The following DMD variants were observed in gnomAD, a reference collection of about 807,000 sequenced individuals.
DMD encodes mutant dystrophin.
Under a neutral mutation model 330.1 loss-of-function variants are expected in DMD, and 63 were observed. The observed-to-expected ratio is 0.19, with a 90% CI of 0.16 to 0.24. DMD has a LOEUF of 0.24. Ranked by LOEUF, DMD falls within the 10% of genes least tolerant of loss-of-function variation. DMD has a pLI of 1.00. For synonymous variants in DMD, 1,223 were observed against 959.8 expected (o/e 1.27, Z -5.07); for missense variants, 3,344 against 2,684.1 (o/e 1.25, Z -5.43).
intron 1 of DMD, among the ~76,000 whole-genome samples, chrX:33,056,985 A>G (rs1476969065): frequency 9.0e-6 from 1 of 111,620 alleles, no homozygotes; most frequent in Non-Finnish European, 1.9e-5. Flanking sequence ...CACGGGGCTC[A>G]TAAAAAATGT....
chrX:33,066,147 T>C (rs762266115), intron 1 of DMD, among the ~76,000 whole-genome samples: 1 of 109,100 alleles, frequency 9.2e-6, no homozygotes, highest in South Asian at 3.9e-4. Flanking sequence ...GGTGGAATAA[T>C]GTCTAGGAAA....
chrX:33,039,450 C>A (rs1386802976), intron 1 of DMD, among the ~76,000 whole-genome samples: 2 of 103,963 alleles, frequency 1.9e-5, no homozygotes, highest in Non-Finnish European at 3.9e-5. Flanking sequence ...ATCTCAGTTT[C>A]AACATCACAA....
intron 7 of DMD, among the ~76,000 whole-genome samples, chrX:32,711,035 G>GA (rs1306723461): frequency 9.0e-6 from 1 of 111,495 alleles, no homozygotes; most frequent in Admixed American, 9.6e-5. Context: ...AACTCCCTTT[G>GA]ACTAGATATT....
intron 62 of DMD, among the ~76,000 whole-genome samples, chrX:31,276,135 C>A (rs888975221): frequency 1.8e-5 from 2 of 112,184 alleles, no homozygotes; most frequent in African/African-American, 6.5e-5. Context: ...CGGCTCACTG[C>A]AAACTCTGCC....
chrX:32,885,217 C>G (rs2084401111), intron 2 of DMD, among the ~76,000 whole-genome samples: 1 of 111,920 alleles, frequency 8.9e-6, no homozygotes, highest in Non-Finnish European at 1.9e-5. Flanking sequence ...TCACAGCAGT[C>G]AAGGGAAGCT....
chrX:31,289,798 T>C (rs563308121), intron 62 of DMD, among the ~76,000 whole-genome samples: 2 of 111,279 alleles, frequency 1.8e-5, no homozygotes, highest in Admixed American at 1.9e-4. Flanking sequence ...CTTTATAAAC[T>C]AGAAAATTAA....
At chrX:32,742,245 T>C (rs544865879) in intron 7 of DMD, among the ~76,000 whole-genome samples, 2 of 112,319 alleles carry the variant, frequency 1.8e-5, no homozygotes, top group African/African-American at 6.5e-5. Flanking sequence ...TAATATGTCT[T>C]TTATTTTTAG....
intron 57 of DMD, among the ~76,000 whole-genome samples, chrX:31,487,882 G>T (rs2068944459): frequency 9.0e-6 from 1 of 111,113 alleles, no homozygotes; most frequent in African/African-American, 3.3e-5. Context: ...ACATATTTCA[G>T]GCCTGAAATT....
chrX:33,136,278 CAAAAAAAAA>C (rs57297863), intron 1 of DMD, among the ~76,000 whole-genome samples: 6 of 19,717 alleles, frequency 3.0e-4, no homozygotes, highest in East Asian at 2.3e-3. Flanking sequence ...GACCCCGTCT[CAAAAAAAAA>C]AAAAAAAAAA....
intron 1 of DMD, among the ~76,000 whole-genome samples, chrX:33,084,565 G>T (rs2094976967): frequency 9.0e-6 from 1 of 111,281 alleles, no homozygotes; most frequent in Non-Finnish European, 1.9e-5. Context: ...CAGTTCCTGG[G>T]TGGAGGCCAC....
At chrX:31,546,089 G>A (rs2074125202) in intron 55 of DMD, among the ~76,000 whole-genome samples, 1 of 111,975 alleles carries the variant, frequency 8.9e-6, no homozygotes, top group Non-Finnish European at 1.9e-5. Flanking sequence ...CCCAAGCCCC[G>A]CCAACAGATG....
rs751040894 is a variant in DMD, at chrX:33,164,046, T to C, written c.31+47236A>G. On this transcript the variant is annotated intron_variant, in intron 1 of 78. Coordinates refer to ENST00000357033, the MANE Select transcript of DMD (RefSeq NM_004006.3). ...TTTCTGCTTATTTATATATATTAAA[T>C]AGATTTTTAGGCAGTAATTTGAAAA... Among the ~76,000 whole-genome samples the C allele has an allele frequency of 4.5e-5, 5 of 111,865 alleles. No homozygotes were observed. In the South Asian group the frequency reaches 1.8e-3, roughly 41 times the overall value.
intron 43 of DMD, among the ~76,000 whole-genome samples, chrX:32,219,521 TA>T (rs978882202): frequency 1.8e-5 from 2 of 111,640 alleles, no homozygotes; most frequent in East Asian, 2.8e-4. Flanking sequence ...TGAAATAATT[TA>T]AAATTTTTTT....
At chrX:32,999,341 T>C (rs1474340639) in intron 2 of DMD, among the ~76,000 whole-genome samples, 1 of 111,785 alleles carries the variant, frequency 8.9e-6, no homozygotes, top group East Asian at 2.8e-4. Context: ...TGTTACTGTA[T>C]TTAATGTGTG....
chrX:32,233,407 G>C (rs925059467), intron 43 of DMD, among the ~76,000 whole-genome samples: 2 of 110,842 alleles, frequency 1.8e-5, no homozygotes, highest in Admixed American at 9.7e-5. Context: ...AGATGTACTA[G>C]ATCAACATTA....
intron 1 of DMD, among the ~76,000 whole-genome samples, chrX:33,120,749 C>T (rs1410025109): frequency 1.8e-5 from 2 of 108,598 alleles, no homozygotes; most frequent in African/African-American, 3.4e-5. Context: ...GGTGTGGTGG[C>T]GTGTGCCTAT....
chrX:32,255,813 T>G, intron 43 of DMD, among the ~76,000 whole-genome samples: 1 of 111,926 alleles, frequency 8.9e-6, no homozygotes, highest in African/African-American at 3.2e-5. Flanking sequence ...ATATGCTATA[T>G]AGAAAACTCA....
chrX:32,326,564 G>A (rs1248248054), intron 41 of DMD, among the ~76,000 whole-genome samples: 2 of 112,528 alleles, frequency 1.8e-5, no homozygotes, highest in Admixed American at 1.9e-4. Flanking sequence ...AAGCTAATAT[G>A]CCATATGGCA....
intron 1 of DMD, among the ~76,000 whole-genome samples, chrX:33,285,036 AG>A (rs2053410064): frequency 9.0e-6 from 1 of 111,146 alleles, no homozygotes; most frequent in East Asian, 2.9e-4. Context: ...AAATAACAAC[AG>A]GATTTTGGTT....
Sources: allele counts gnomAD v4.1 joint callset (sites outside exome capture counted in the v4.1 genomes callset), GRCh38; gene constraint gnomAD v4.1.1; transcripts MANE v1.5; gene names NCBI Gene and HGNC (gene_info 2026-07-23, HGNC 2026-07-21).